FRMD3: variants seen among roughly 807,000 people sequenced by gnomAD.
FRMD3 encodes FERM domain containing 3, also known as FERM domain-containing protein 3.
FRMD3 carries 33 observed loss-of-function variants against 70.2 expected under a neutral mutation model. The observed-to-expected ratio is 0.47, with a 90% CI of 0.36 to 0.63. The LOEUF (loss-of-function observed/expected upper bound fraction) is 0.63. Ranked by LOEUF, FRMD3 falls within the 20% of genes least tolerant of loss-of-function variation. The pLI, the probability that FRMD3 is intolerant of heterozygous loss-of-function variation, is 0.00. For synonymous variants in FRMD3, 279 were observed against 255.9 expected (o/e 1.09, Z -0.86); for missense variants, 632 against 711.4 (o/e 0.89, Z 1.27).
At chr9:83,536,930 T>TAAAAAAAAAAAAAAAAAAAAAAAAAA (rs142272516) in intron 1 of FRMD3, among the ~76,000 whole-genome samples, 7 of 60,898 alleles carry the variant, frequency 1.1e-4, no homozygotes, top group African/African-American at 3.7e-4. Flanking sequence ...TGTATTACAC[T>TAAAAAAAAAAAAAAAAAAAAAAAAAA]AAAAAAAAAA....
chr9:83,470,327 A>T (rs1828239214), intron 1 of FRMD3, among the ~76,000 whole-genome samples: 1 of 152,192 alleles, frequency 6.6e-6, no homozygotes. Context: ...CGCTGAACTT[A>T]GTGTTGATCT....
intron 1 of FRMD3, among the ~76,000 whole-genome samples, chr9:83,468,499 G>A (rs1458090319): frequency 6.6e-6 from 1 of 152,158 alleles, no homozygotes; most frequent in Non-Finnish European, 1.5e-5. Flanking sequence ...GGTCAATTGA[G>A]TCGGACAGAA....
At chr9:83,296,365 C>G (rs1408107) in intron 12 of FRMD3, among the ~76,000 whole-genome samples, 1 of 152,066 alleles carries the variant, frequency 6.6e-6, no homozygotes, top group Non-Finnish European at 1.5e-5. Context: ...ATGACAGGTG[C>G]TGCTGTCATC....
chr9:83,351,058 G>C, intron 3 of FRMD3: 1 of 844,392 alleles, frequency 1.2e-6, no homozygotes, highest in East Asian at 1.2e-4. Context: ...ATCCAAATGT[G>C]AATATGAAAC....
At chr9:83,291,350 C>A (rs1834411985) in intron 12 of FRMD3, among the ~76,000 whole-genome samples, 1 of 152,160 alleles carries the variant, frequency 6.6e-6, no homozygotes, top group South Asian at 2.1e-4. Flanking sequence ...GCAGGTATCT[C>A]ATTAAGCCTA....
At chr9:83,480,770 C>G (rs1217630542) in intron 1 of FRMD3, among the ~76,000 whole-genome samples, 1 of 152,144 alleles carries the variant, frequency 6.6e-6, no homozygotes, top group Non-Finnish European at 1.5e-5. Context: ...GCTGGGATTA[C>G]AGGCATGAGC....
intron 1 of FRMD3, among the ~76,000 whole-genome samples, chr9:83,495,723 T>C (rs1417365829): frequency 6.6e-6 from 1 of 152,204 alleles, no homozygotes; most frequent in Non-Finnish European, 1.5e-5. Flanking sequence ...TCATGGTGAA[T>C]GGACATAGTA....
intron 1 of FRMD3, among the ~76,000 whole-genome samples, chr9:83,517,205 C>A (rs912264889): frequency 6.6e-6 from 1 of 151,802 alleles, no homozygotes; most frequent in African/African-American, 2.4e-5. Context: ...GAAAGATCAA[C>A]AAAATAGATA....
chr9:83,549,528 G>C, the FRMD3 span, among the ~76,000 whole-genome samples: 1 of 152,068 alleles, frequency 6.6e-6, no homozygotes. Flanking sequence ...TCACTATACT[G>C]CTTCTCACAA....
chr9:83,509,159 C>T (rs757232066), intron 1 of FRMD3, among the ~76,000 whole-genome samples: 2 of 152,148 alleles, frequency 1.3e-5, no homozygotes, highest in African/African-American at 4.8e-5. Context: ...AGCTGTATCC[C>T]TAGCACCTCA....
rs1449195924 is a variant in FRMD3, at chr9:83,247,836, T to TGACCC, written c.*77_*81dup. 1.1e-4 allele frequency: 178 copies of TGACCC among 1,550,026 alleles called. No homozygotes were observed. The highest frequency in any genetic ancestry group is 1.0e-3 in the Middle Eastern group (5 of 4,934). ...TAAGGAACACCTGTTGACAGCCCCG[T>TGACCC]GACCCTTCAGAACCAGGCATTTGCT... On this transcript the variant is annotated 3_prime_UTR_variant, in exon 14 of 14. Coordinates refer to ENST00000304195, the MANE Select transcript of FRMD3 (RefSeq NM_174938.6).
chr9:83,269,901 ATCT>A (rs976136587), intron 13 of FRMD3, among the ~76,000 whole-genome samples: 10 of 152,012 alleles, frequency 6.6e-5, no homozygotes, highest in Non-Finnish European at 1.5e-5. Context: ...CTTTTTATGG[ATCT>A]TCTCCTTTCA....
At chr9:83,495,355 G>C (rs1016935843) in intron 1 of FRMD3, among the ~76,000 whole-genome samples, 63 of 152,324 alleles carry the variant, frequency 4.1e-4, no homozygotes, top group African/African-American at 1.5e-3. Context: ...GAAGAAAGTG[G>C]AAGTCGCTGG....
intron 1 of FRMD3, among the ~76,000 whole-genome samples, chr9:83,432,450 G>GC (rs1338161588): frequency 6.6e-6 from 1 of 152,116 alleles, no homozygotes; most frequent in African/African-American, 2.4e-5. Context: ...GTGTGGTGTG[G>GC]CCCCCTCCCT....
At chr9:83,498,009 A>G (rs6559730) in intron 1 of FRMD3, among the ~76,000 whole-genome samples, 101,004 of 151,956 alleles carry the variant, frequency 0.66, 34,062 homozygotes, top group African/African-American at 0.77. Context: ...TTAGCCAGGC[A>G]TGGTGGTGGG....
intron 1 of FRMD3, among the ~76,000 whole-genome samples, chr9:83,481,523 A>G (rs973561043): frequency 6.6e-6 from 1 of 152,194 alleles, no homozygotes; most frequent in African/African-American, 2.4e-5. Flanking sequence ...AACGATTAAC[A>G]TATGATCATA....
At chr9:83,507,687 CATACATATATATAT>C (rs1382644191) in intron 1 of FRMD3, among the ~76,000 whole-genome samples, 1,520 of 46,908 alleles carry the variant, frequency 0.032, 162 homozygotes, top group Non-Finnish European at 0.046. Context: ...AAAAAATATA[CATACATATATATAT>C]ATATATATAT....
chr9:83,555,910 G>A, the FRMD3 span, among the ~76,000 whole-genome samples: 3 of 152,182 alleles, frequency 2.0e-5, no homozygotes, highest in Admixed American at 1.3e-4. Flanking sequence ...GTGGTTTCCC[G>A]GGATCGGTCA....
intron 1 of FRMD3, among the ~76,000 whole-genome samples, chr9:83,436,490 G>GTGTGTGTGTC (rs1441083200): frequency 6.7e-6 from 1 of 149,540 alleles, no homozygotes; most frequent in African/African-American, 2.5e-5. Flanking sequence ...GTGTGTGTGT[G>GTGTGTGTGTC]TCTGCATGCA....
Sources: allele counts gnomAD v4.1 joint callset (sites outside exome capture counted in the v4.1 genomes callset), GRCh38; gene constraint gnomAD v4.1.1; transcripts MANE v1.5; gene names NCBI Gene and HGNC (gene_info 2026-07-23, HGNC 2026-07-21).